Variants in CLVS1 observed in about 807,000 individuals in gnomAD.
The protein encoded by CLVS1 is clavesin 1, also known as clavesin-1.
CLVS1 carries 10 observed loss-of-function variants against 33.1 expected under a neutral mutation model. The ratio of observed to expected loss-of-function variants is 0.30; its 90% CI spans 0.19 to 0.51. CLVS1 has a LOEUF of 0.51. Ranked by LOEUF, CLVS1 falls within the 20% of genes least tolerant of loss-of-function variation. The pLI, the probability that CLVS1 is intolerant of heterozygous loss-of-function variation, is 0.97. For missense variants in CLVS1, 343 were observed against 433.4 expected (o/e 0.79, Z 1.85); for synonymous variants, 163 against 166.1 (o/e 0.98, Z 0.14).
the CLVS1 span, among the ~76,000 whole-genome samples, chr8:61,035,613 A>G: frequency 6.6e-6 from 1 of 152,300 alleles, no homozygotes; most frequent in Non-Finnish European, 1.5e-5. Flanking sequence ...GTTTAGTGTA[A>G]TCTAAACACC....
At chr8:61,096,899 G>A (rs1805361136) in intron 1 of CLVS1, among the ~76,000 whole-genome samples, 1 of 152,116 alleles carries the variant, frequency 6.6e-6, no homozygotes, top group Admixed American at 6.6e-5. Context: ...ACAATTCACT[G>A]TTGTCCTCTC....
chr8:61,263,091 C>A lies in CLVS1; in HGVS notation c.-151-36586C>A, dbSNP rs1809239504. ...CAGAAAGAGTCACCTCCCTGGGAAA[C>A]TTGATAGATGAAAAATGACCCAAAG... On this transcript the variant is annotated intron_variant, in intron 2 of 2. Coordinates refer to the CLVS1 transcript ENST00000522621. Among the ~76,000 whole-genome samples, 3 of 152,136 alleles carry A rather than the reference C, an allele frequency of 2.0e-5. No homozygotes were observed. The South Asian group carries it at 6.2e-4, about 32-fold the overall frequency.
At chr8:61,405,048 C>T (rs1814933213) in intron 3 of CLVS1, among the ~76,000 whole-genome samples, 1 of 152,174 alleles carries the variant, frequency 6.6e-6, no homozygotes, top group South Asian at 2.1e-4. Context: ...CTTGAGTCAC[C>T]AACAATGCAC....
At chr8:61,069,635 T>C (rs1225664195) in intron 1 of CLVS1, among the ~76,000 whole-genome samples, 1 of 152,164 alleles carries the variant, frequency 6.6e-6, no homozygotes, top group African/African-American at 2.4e-5. Context: ...GTTCACTTAC[T>C]GTTCTCAGTT....
intron 1 of CLVS1, among the ~76,000 whole-genome samples, chr8:61,078,077 C>T (rs188039496): frequency 1.3e-5 from 2 of 152,244 alleles, no homozygotes; most frequent in East Asian, 1.9e-4. Context: ...TAAACAGAGC[C>T]CCAGTGCAGG....
intron 2 of CLVS1, among the ~76,000 whole-genome samples, chr8:61,172,333 T>C (rs1807019483): frequency 6.6e-6 from 1 of 152,162 alleles, no homozygotes; most frequent in African/African-American, 2.4e-5. Context: ...AGTTTGGTGT[T>C]GAATAAATTG....
chr8:61,153,010 C>A (rs911793432), intron 2 of CLVS1, among the ~76,000 whole-genome samples: 1 of 151,996 alleles, frequency 6.6e-6, no homozygotes, highest in African/African-American at 2.4e-5. Flanking sequence ...ACAAAATACA[C>A]ACAAAAAATT....
At chr8:61,393,469 T>A (rs113482500) in intron 3 of CLVS1, among the ~76,000 whole-genome samples, 3,147 of 152,330 alleles carry the variant, frequency 0.021, 91 homozygotes, top group African/African-American at 0.071. Flanking sequence ...TTGGTAGTGT[T>A]ATTGAACCTT....
chr8:61,172,659 G>A (rs913123579), intron 2 of CLVS1, among the ~76,000 whole-genome samples: 2 of 152,122 alleles, frequency 1.3e-5, no homozygotes, highest in Non-Finnish European at 2.9e-5. Flanking sequence ...TTCAACTGCT[G>A]CCATACGAAT....
intron 2 of CLVS1, among the ~76,000 whole-genome samples, chr8:61,364,458 CT>C (rs1563517751): frequency 1.3e-5 from 2 of 152,170 alleles, no homozygotes; most frequent in Non-Finnish European, 2.9e-5. Context: ...TCAAAACTGC[CT>C]TGAATGTATT....
intron 1 of CLVS1, among the ~76,000 whole-genome samples, chr8:61,119,226 T>C (rs930691098): frequency 3.3e-5 from 5 of 152,174 alleles, no homozygotes; most frequent in African/African-American, 1.2e-4. Flanking sequence ...ATTTGCTTGG[T>C]AGATCTTCCT....
chr8:61,146,682 C>T (rs1806424079), intron 2 of CLVS1, among the ~76,000 whole-genome samples: 1 of 152,236 alleles, frequency 6.6e-6, no homozygotes, highest in African/African-American at 2.4e-5. Flanking sequence ...ACATATGGCA[C>T]AGAATCAGCA....
the CLVS1 span, among the ~76,000 whole-genome samples, chr8:61,032,103 A>G: frequency 6.6e-6 from 1 of 152,196 alleles, no homozygotes; most frequent in Non-Finnish European, 1.5e-5. Flanking sequence ...AGCCAGAAAT[A>G]GCTGGCCCAG....
At chr8:61,474,660 C>T (rs918688295) in intron 5 of CLVS1, among the ~76,000 whole-genome samples, 3 of 152,066 alleles carry the variant, frequency 2.0e-5, no homozygotes, top group Non-Finnish European at 2.9e-5. Flanking sequence ...GTTAGGACCC[C>T]GAGCCTGAGT....
At chr8:61,129,937 C>A (rs951684670) in intron 1 of CLVS1, among the ~76,000 whole-genome samples, 3 of 152,086 alleles carry the variant, frequency 2.0e-5, no homozygotes, top group African/African-American at 7.2e-5. Context: ...CCTGATTGAT[C>A]AATTGATTCA....
chr8:61,202,372 G>A (rs1175001148), intron 2 of CLVS1: 1 of 750,022 alleles, frequency 1.3e-6, no homozygotes, highest in African/African-American at 1.7e-5. Context: ...GATGGACGTG[G>A]ACATGAGCTC....
At chr8:61,295,311 C>T (rs1810155064) in intron 1 of CLVS1, among the ~76,000 whole-genome samples, 1 of 152,140 alleles carries the variant, frequency 6.6e-6, no homozygotes, top group African/African-American at 2.4e-5. Flanking sequence ...CTAGGCATGG[C>T]AATCAATCCT....
At chr8:61,108,822 C>G (rs904927601) in intron 1 of CLVS1, among the ~76,000 whole-genome samples, 1 of 152,234 alleles carries the variant, frequency 6.6e-6, no homozygotes, top group African/African-American at 2.4e-5. Flanking sequence ...CTGAGACAGA[C>G]AGCCCCACTG....
At chr8:61,232,022 G>GTTTTTTTTTTTTTTTT (rs376185436) in intron 2 of CLVS1, among the ~76,000 whole-genome samples, 13 of 117,066 alleles carry the variant, frequency 1.1e-4, no homozygotes, top group African/African-American at 5.8e-4. Flanking sequence ...GGAAAGTTGT[G>GTTTTTTTTTTTTTTTT]GTTTTTTTTT....
Sources: gnomAD v4.1 joint callset for allele counts (sites outside exome capture counted in the v4.1 genomes callset) on GRCh38, gnomAD v4.1.1 for gene constraint, MANE v1.5 for transcripts, NCBI Gene and HGNC (gene_info 2026-07-23, HGNC 2026-07-21) for gene names.